The following DLGAP1 variants were observed in gnomAD, a reference collection of about 807,000 sequenced individuals.
DLGAP1 encodes the protein DLG associated protein 1, also known as disks large-associated protein 1.
Under a neutral mutation model 90.8 loss-of-function variants are expected in DLGAP1, and 11 were observed. The ratio of observed to expected loss-of-function variants is 0.12; its 90% CI spans 0.08 to 0.20. The LOEUF is 0.20. DLGAP1 is among the 10% of genes least tolerant of loss of function. The pLI is 1.00. For synonymous variants in DLGAP1, 558 were observed against 540.7 expected, an observed-to-expected ratio of 1.03 and a Z score of -0.44; for missense variants, 1,050 against 1,333.8, an observed-to-expected ratio of 0.79 and a Z score of 3.31.
intron 10 of DLGAP1, among the ~76,000 whole-genome samples, chr18:3,514,960 C>G (rs950340760): frequency 6.6e-6 from 1 of 152,024 alleles, no homozygotes; most frequent in Non-Finnish European, 1.5e-5. Flanking sequence ...CCAGGCTGGT[C>G]TCAAGCTTCT....
chr18:4,069,663 C>G (rs1177277964), intron 2 of DLGAP1, among the ~76,000 whole-genome samples: 1 of 152,182 alleles, frequency 6.6e-6, no homozygotes, highest in African/African-American at 2.4e-5. Context: ...TTGTAAGTTT[C>G]CTGAGGCTTC....
chr18:3,651,648 G>T (rs961081712), intron 7 of DLGAP1, among the ~76,000 whole-genome samples: 6 of 152,004 alleles, frequency 3.9e-5, no homozygotes, highest in African/African-American at 1.4e-4. Context: ...CAAAAATTAA[G>T]CCGGGTGCAG....
intron 2 of DLGAP1, among the ~76,000 whole-genome samples, chr18:4,064,625 C>T (rs775902592): frequency 3.9e-4 from 60 of 151,970 alleles, no homozygotes; most frequent in Admixed American, 1.4e-3. Flanking sequence ...ACACAGACAC[C>T]CTCCCTAGAC....
At chr18:3,632,993 G>A (rs975530976) in intron 7 of DLGAP1, among the ~76,000 whole-genome samples, 1 of 152,156 alleles carries the variant, frequency 6.6e-6, no homozygotes, top group Non-Finnish European at 1.5e-5. Flanking sequence ...TACCTTTAGG[G>A]TATAATCTTT....
chr18:4,089,408 CT>C (rs1432718885), intron 2 of DLGAP1, among the ~76,000 whole-genome samples: 1 of 152,060 alleles, frequency 6.6e-6, no homozygotes, highest in Non-Finnish European at 1.5e-5. Flanking sequence ...ATGCTATTCC[CT>C]TAAACTACCA....
rs554714118 is a variant in DLGAP1 at position 3,714,326 on chromosome 18, T to A, written c.1591+14809A>T. On this transcript the variant is annotated intron_variant, in intron 7 of 12. Transcript: ENST00000315677. ...AATCACTACAAACTACATGCTGTTT[T>A]GAATAGTCCATTGTTTCTCAAACAC... Among the ~76,000 whole-genome samples the A allele has an allele frequency of 5.9e-5, 9 of 152,298 alleles. No individual in the cohort carries two copies. The South Asian group carries it at 8.3e-4, about 14-fold the overall frequency.
intron 5 of DLGAP1, among the ~76,000 whole-genome samples, chr18:3,765,418 C>T (rs917175293): frequency 6.6e-6 from 1 of 151,850 alleles, no homozygotes; most frequent in African/African-American, 2.4e-5. Context: ...GCGTGAGCCA[C>T]TGCACCTGGC....
intron 1 of DLGAP1, among the ~76,000 whole-genome samples, chr18:4,422,845 G>A: frequency 6.6e-6 from 1 of 151,928 alleles, no homozygotes; most frequent in South Asian, 2.1e-4. Context: ...TACTCTATGA[G>A]CCATTTAAAA....
At chr18:3,903,219 ACC>A (rs1276056339) in intron 3 of DLGAP1, among the ~76,000 whole-genome samples, 1 of 152,122 alleles carries the variant, frequency 6.6e-6, no homozygotes, top group African/African-American at 2.4e-5. Flanking sequence ...AAAATCAATG[ACC>A]TGCTTACAGA....
At chr18:4,381,267 T>C (rs1314616478) in intron 1 of DLGAP1, among the ~76,000 whole-genome samples, 2 of 152,134 alleles carry the variant, frequency 1.3e-5, no homozygotes, top group African/African-American at 2.4e-5. Context: ...GCATGATACA[T>C]AGACAAATAG....
At chr18:3,920,310 G>A (rs1309934170) in intron 3 of DLGAP1, among the ~76,000 whole-genome samples, 5 of 145,704 alleles carry the variant, frequency 3.4e-5, no homozygotes, top group Non-Finnish European at 7.5e-5. Context: ...CAGAGATTGC[G>A]GCACTATACT....
chr18:4,273,549 C>T (rs2079334320), intron 1 of DLGAP1, among the ~76,000 whole-genome samples: 1 of 152,152 alleles, frequency 6.6e-6, no homozygotes, highest in African/African-American at 2.4e-5. Flanking sequence ...CTCAAGCAAT[C>T]CTCTCACCTC....
intron 10 of DLGAP1, among the ~76,000 whole-genome samples, chr18:3,511,320 T>G (rs758663850): frequency 2.6e-5 from 4 of 152,076 alleles, no homozygotes; most frequent in Non-Finnish European, 5.9e-5. Flanking sequence ...TTTTTTTCCA[T>G]TAGACACTCA....
chr18:3,656,501 T>A (rs903985579), intron 7 of DLGAP1, among the ~76,000 whole-genome samples: 2 of 152,196 alleles, frequency 1.3e-5, no homozygotes, highest in African/African-American at 4.8e-5. Context: ...CTAGAGATCA[T>A]CTGATGCATG....
intron 7 of DLGAP1, among the ~76,000 whole-genome samples, chr18:3,612,340 G>C (rs2057674937): frequency 6.6e-6 from 1 of 152,206 alleles, no homozygotes; most frequent in African/African-American, 2.4e-5. Flanking sequence ...TTGTAGAGAG[G>C]CTGAAAGGAA....
chr18:3,910,581 A>G (rs1032568149), intron 3 of DLGAP1, among the ~76,000 whole-genome samples: 4 of 152,170 alleles, frequency 2.6e-5, no homozygotes, highest in Non-Finnish European at 5.9e-5. Flanking sequence ...AAGTTTTTCC[A>G]TCTTCTTAGT....
At chr18:3,609,989 C>T (rs1254279867) in intron 7 of DLGAP1, among the ~76,000 whole-genome samples, 8 of 151,130 alleles carry the variant, frequency 5.3e-5, no homozygotes, top group African/African-American at 1.2e-4. Context: ...ACCTGGGAGG[C>T]GGAGGTTGCA....
At chr18:3,680,525 C>T (rs113174069) in intron 7 of DLGAP1, among the ~76,000 whole-genome samples, 19,128 of 152,192 alleles carry the variant, frequency 0.13, 2,579 homozygotes, top group African/African-American at 0.34. Flanking sequence ...TGCTGGCTCA[C>T]GCCTGTAATC....
intron 1 of DLGAP1, among the ~76,000 whole-genome samples, chr18:4,176,340 T>A (rs1048203345): frequency 6.6e-6 from 1 of 152,224 alleles, no homozygotes; most frequent in Non-Finnish European, 1.5e-5. Context: ...CAGATATTTA[T>A]TGTATATCCT....
Sources: allele counts gnomAD v4.1 joint callset (sites outside exome capture counted in the v4.1 genomes callset), GRCh38; gene constraint gnomAD v4.1.1; transcripts MANE v1.5; gene names NCBI Gene and HGNC (gene_info 2026-07-23, HGNC 2026-07-21).